DCHS2: variants seen among roughly 807,000 people sequenced by gnomAD.
DCHS2 encodes dachsous cadherin-related 2, also known as protocadherin-23.
In DCHS2, 142 loss-of-function variants were observed where a neutral mutation model predicts 182.4. That is an observed-to-expected ratio of 0.78 (90% confidence interval 0.68 to 0.89). The LOEUF is 0.89. DCHS2 is among the 40% of genes least tolerant of loss of function. DCHS2 has a pLI of 0.00. For synonymous variants in DCHS2, 1,740 were observed against 1,663.3 expected (o/e 1.05, Z -1.12); for missense variants, 4,319 against 4,198.6 (o/e 1.03, Z -0.79).
chr4:154,381,490 A>C (rs1406402838), intron 1 of DCHS2, among the ~76,000 whole-genome samples: 1 of 152,132 alleles, frequency 6.6e-6, no homozygotes, highest in East Asian at 1.9e-4. Flanking sequence ...AAAAGAAGCC[A>C]AACTATCTCT....
Position 154,289,260 on chromosome 4 carries a change from G to C in DCHS2, c.6463+8591C>G, listed in dbSNP as rs574435690. ...TCAGAGGTGAAAAAGAAGGCATTCC[G>C]ACAGATACTACATAAATTTAAAGGA... On this transcript the variant is annotated intron_variant, in intron 13 of 19. Coordinates refer to ENST00000357232, the MANE Select transcript of DCHS2 (RefSeq NM_001358235.2). 1.3e-4 allele frequency among the ~76,000 whole-genome samples: 19 copies of C among 151,956 alleles called. No homozygotes were observed. The East Asian group carries it at 2.3e-3, about 19-fold the overall frequency.
intron 1 of DCHS2, among the ~76,000 whole-genome samples, chr4:154,386,075 C>T (rs776918294): frequency 1.3e-5 from 2 of 152,162 alleles, no homozygotes; most frequent in South Asian, 2.1e-4. Context: ...GCTACCCTCC[C>T]GGTCTTTTTA....
chr4:154,236,988 T>G lies in DCHS2; in HGVS notation c.7664A>C (p.Asn2555Thr), dbSNP rs1327984946. 6.2e-7 allele frequency: 1 copy of G among 1,614,020 alleles called. No homozygotes were observed. The highest frequency in any genetic ancestry group is 8.5e-7 in the Non-Finnish European group (1 of 1,179,920). ...CAGAGCATCCTCACTTAGGCTAAGATTATAGGATTTGACTGTGAATTCAGG... is the reference window on the plus strand; with the variant it reads ...CAGAGCATCCTCACTTAGGCTAAGAGTATAGGATTTGACTGTGAATTCAGG... ...YAPEFTVKSYNLSLSEDALVG... is the reference protein window; with the variant it reads ...YAPEFTVKSYTLSLSEDALVG... The change falls in exon 20 of 20, where the codon AAT becomes ACT. Residue 2555 changes from asparagine to threonine, a missense_variant. Physicochemically the swap from Asn to Thr is moderately conservative, Grantham distance 65. Transcript: ENST00000357232.
At chr4:154,252,806 C>CTT (rs974264846) in intron 16 of DCHS2, among the ~76,000 whole-genome samples, 3 of 151,882 alleles carry the variant, frequency 2.0e-5, no homozygotes, top group African/African-American at 7.3e-5. Context: ...ATAGTGATTT[C>CTT]TTTTTAGTGG....
At position 154,236,150 on chromosome 4, in the gene DCHS2, A is replaced by AAT; in HGVS notation, c.8500_8501dup (p.His2835PhefsTer31). 2 of 1,613,786 alleles carry AAT rather than the reference A, an allele frequency of 1.2e-6. No individual in the cohort carries two copies. Among genetic ancestry groups the AAT allele is most frequent in the East Asian group, 4.5e-5 (2 of 44,864 alleles). On this transcript the variant is annotated frameshift_variant, in exon 20 of 20. Transcript: ENST00000357232. LOFTEE classifies it low-confidence loss of function (END_TRUNC). ...CATAGTCAAGGATTTGCTTAGCATG[A>AAT]ATATCCCCTGTCAAAGGGTCAATGA...
chr4:154,350,852 C>T (rs1004190558), intron 3 of DCHS2, among the ~76,000 whole-genome samples: 4 of 151,888 alleles, frequency 2.6e-5, no homozygotes, highest in Non-Finnish European at 5.9e-5. Flanking sequence ...TTATTTTCAC[C>T]AACAGCAATA....
intron 9 of DCHS2, among the ~76,000 whole-genome samples, chr4:154,316,720 G>C (rs1735868141): frequency 6.6e-6 from 1 of 152,160 alleles, no homozygotes; most frequent in Non-Finnish European, 1.5e-5. Flanking sequence ...GGAGGCGGAA[G>C]CTGTAGTGAG....
intron 16 of DCHS2, among the ~76,000 whole-genome samples, chr4:154,252,647 A>C (rs928661628): frequency 1.7e-5 from 2 of 115,308 alleles, no homozygotes; most frequent in African/African-American, 2.6e-5. Context: ...AAATGACCGG[A>C]TCTCATTCTT....
At chr4:154,277,736 A>C (rs1205926082) in intron 13 of DCHS2, among the ~76,000 whole-genome samples, 7 of 152,146 alleles carry the variant, frequency 4.6e-5, no homozygotes, top group African/African-American at 1.7e-4. Context: ...ACAGATCTAT[A>C]AATTACTTAA....
intron 1 of DCHS2, among the ~76,000 whole-genome samples, chr4:154,386,068 A>G (rs985276922): frequency 3.3e-5 from 5 of 151,974 alleles, no homozygotes; most frequent in African/African-American, 1.2e-4. Context: ...ACAGTCTGCT[A>G]CCCTCCCGGT....
chr4:154,304,994 T>C, intron 11 of DCHS2, 103 bp downstream of exon 11: 1 of 1,505,190 alleles, frequency 6.6e-7, no homozygotes, highest in Non-Finnish European at 8.8e-7. Flanking sequence ...TAATATTTTA[T>C]TTAAAAACAC....
intron 12 of DCHS2, 146 bp downstream of exon 12, chr4:154,304,523 T>G: frequency 1.6e-6 from 1 of 611,028 alleles, no homozygotes. Flanking sequence ...TACTTACCAA[T>G]TTGGGAGGCT....
chr4:154,262,393 C>T (rs905058454), intron 14 of DCHS2, among the ~76,000 whole-genome samples: 3 of 152,162 alleles, frequency 2.0e-5, no homozygotes, highest in East Asian at 1.9e-4. Context: ...AGACATCAAG[C>T]GTGTACTGTC....
chr4:154,253,115 G>C lies in DCHS2; in HGVS notation c.6941+2404C>G, dbSNP rs181605254. Among the ~76,000 whole-genome samples the C allele has an allele frequency of 2.1e-3, 314 of 151,512 alleles. 1 individual carries two copies. Among genetic ancestry groups the C allele is most frequent in the African/African-American group, 7.3e-3 (301 of 41,296 alleles). ...TTGTGCGGGGTGGGGGGCGGGGTGT[G>C]GGGAGAGCCCAGGGAGGAAGGAGGT... is the stretch of plus-strand genomic sequence containing the variant. On this transcript the variant is annotated intron_variant, in intron 16 of 19. Coordinates refer to ENST00000357232, the MANE Select transcript of DCHS2 (RefSeq NM_001358235.2).
rs568135606 is a variant in DCHS2 at position 154,251,531 on chromosome 4, T to G, written c.6941+3988A>C. ...ACTAGGACTTGATTTTCTTTTTCTT[T>G]TTTTGAGACAAAGTCTCACTCTTGT... On this transcript the variant is annotated intron_variant, in intron 16 of 19. Coordinates refer to ENST00000357232, the MANE Select transcript of DCHS2 (RefSeq NM_001358235.2). 3.3e-5 allele frequency among the ~76,000 whole-genome samples: 5 copies of G among 152,332 alleles called. No individual in the cohort carries two copies. In the East Asian group the frequency reaches 9.6e-4, roughly 29 times the overall value.
rs1366073724 is a variant in DCHS2 at position 154,332,904 on chromosome 4, G to A, written c.3304C>T (p.Gln1102Ter). The change falls in exon 5 of 20, where the codon CAA becomes TAA. Residue 1102 changes from glutamine (Q) to a stop codon, truncating the protein, a stop_gained. Transcript: ENST00000357232. LOFTEE classifies it high-confidence loss of function. ...GGGTGCGCCTGTGTTTGCAGCATTT[G>A]TGTCATCGGTGAGAGAGACTCACTG... ...EVSESLSPMT[Q>*]MLQTQAHPLG... 1.2e-5 allele frequency: 19 copies of A among 1,614,224 alleles called. No homozygotes were observed. The highest frequency in any genetic ancestry group is 1.4e-5 in the Non-Finnish European group (16 of 1,180,040).
intron 1 of DCHS2, among the ~76,000 whole-genome samples, chr4:154,439,808 T>C (rs778474410): frequency 8.5e-5 from 13 of 152,326 alleles, no homozygotes; most frequent in Admixed American, 3.9e-4. Context: ...AAAGTAGTTA[T>C]GACCACAAAC....
chr4:154,266,793 C>A (rs1012985023), intron 14 of DCHS2, among the ~76,000 whole-genome samples: 9 of 152,126 alleles, frequency 5.9e-5, no homozygotes, highest in African/African-American at 2.2e-4. Context: ...CTTTTCATAT[C>A]TGTGTGATTG....
intron 2 of DCHS2, among the ~76,000 whole-genome samples, chr4:154,375,995 C>T (rs1561076363): frequency 6.6e-6 from 1 of 151,936 alleles, no homozygotes; most frequent in East Asian, 1.9e-4. Flanking sequence ...TGTATGATTC[C>T]ATTCACTGAA....
Sources: allele counts gnomAD v4.1 joint callset (sites outside exome capture counted in the v4.1 genomes callset), GRCh38; gene constraint gnomAD v4.1.1; transcripts MANE v1.5; gene names NCBI Gene and HGNC (gene_info 2026-07-23, HGNC 2026-07-21).